Variants in DSP observed in about 807,000 individuals in gnomAD.
DSP encodes desmoplakin.
DSP carries 114 observed loss-of-function variants against 290.6 expected under a neutral mutation model. That is an observed-to-expected ratio of 0.39 (90% CI 0.34 to 0.46). DSP has a LOEUF of 0.46. Among genes scored for constraint, DSP ranks in the 20% least tolerant of loss-of-function variants. The probability of loss-of-function intolerance (pLI) is 0.99; values close to 1 mark genes in which losing one functional copy is unlikely to be tolerated. For synonymous variants in DSP, 1,311 were observed against 1,316.4 expected (o/e 1.00, Z 0.09); for missense variants, 3,230 against 3,495.8 (o/e 0.92, Z 1.92).
At chr6:7,576,919 G>A (rs745545516) in intron 19 of DSP, 40 bp from the exon 20 acceptor site, 7 of 1,493,848 alleles carry the variant, frequency 4.7e-6, no homozygotes, top group Non-Finnish European at 6.5e-6. Flanking sequence ...AAAAATATTT[G>A]TATGCATTAA....
At chr6:7,552,659 GTTGTTT>G (rs1267310836) in intron 1 of DSP, among the ~76,000 whole-genome samples, 9 of 127,906 alleles carry the variant, frequency 7.0e-5, no homozygotes, top group Non-Finnish European at 1.4e-4. Flanking sequence ...AAAGTTACCT[GTTGTTT>G]TTTTTTTTTT....
At chr6:7,545,559 A>AGCATTCTGTGTTT (rs1259585662) in intron 1 of DSP, among the ~76,000 whole-genome samples, 36 of 152,350 alleles carry the variant, frequency 2.4e-4, no homozygotes, top group African/African-American at 7.7e-4. Context: ...GTATTTACCG[A>AGCATTCTGTGTTT]GCATTGACTG....
chr6:7,555,180 G>C (rs73375320), intron 1 of DSP, among the ~76,000 whole-genome samples: 2,328 of 152,256 alleles, frequency 0.015, 52 homozygotes, highest in African/African-American at 0.052. Context: ...AACTCAGAGA[G>C]ATATATTTCT....
At chr6:7,566,081 A>T in intron 7 of DSP, among the ~76,000 whole-genome samples, 1 of 152,318 alleles carries the variant, frequency 6.6e-6, no homozygotes, top group Non-Finnish European at 1.5e-5. Context: ...ATAACCCAGG[A>T]TGTGTGTGGC....
rs1446804590 is a variant in DSP, at chr6:7,571,560, C to T, written c.1879C>T (p.Pro627Ser). 1 of 1,614,088 alleles carries T rather than the reference C, an allele frequency of 6.2e-7. No homozygotes were observed. The highest frequency in any genetic ancestry group is 1.3e-5 in the African/African-American group (1 of 74,936). Residue 627 changes from proline (P) to serine (S), a missense_variant, in exon 14 of 24, where the codon CCT becomes TCT. Coordinates refer to ENST00000379802, the MANE Select transcript of DSP (RefSeq NM_004415.4). ...KHYQTLVIQL[P>S]GYPQHQTVTT... ...TTACCAGACCCTGGTCATTCAGCTC[C>T]CTGGCTATCCCCAGCACCAGACAGG...
rs1759514959 is a variant in DSP at position 7,583,350 on chromosome 6, T to C, written c.6088T>C (p.Ser2030Pro). ...ATCTGCTTCTCCTAAGGAAAAATACTCTTTGGTAGAGGCCAAGAGAAAGAA... is the reference window on the plus strand; with the variant it reads ...ATCTGCTTCTCCTAAGGAAAAATACCCTTTGGTAGAGGCCAAGAGAAAGAA... ...GASASPKEKYSLVEAKRKKLI... is the reference protein window; with the variant it reads ...GASASPKEKYPLVEAKRKKLI... Residue 2030 changes from serine (S) to proline (P), a missense_variant, in exon 24 of 24, where the codon TCT becomes CCT. By Grantham distance (74) the Ser-to-Pro change is moderately conservative. This residue lies in a region of DSP where 1,714 missense variants were observed against 1,844.5 expected (regional missense o/e 0.93). Coordinates refer to ENST00000379802, the MANE Select transcript of DSP (RefSeq NM_004415.4). The surrounding 1 kb of genome is among the most constrained non-coding windows in gnomAD (Gnocchi z 4.0). 1 of 1,614,190 alleles carries C rather than the reference T, an allele frequency of 6.2e-7. No individual in the cohort carries two copies. The highest frequency in any genetic ancestry group is 8.5e-7 in the Non-Finnish European group (1 of 1,180,044).
At position 7,579,412 on chromosome 6, in the gene DSP, G is replaced by A. The variant is rs772040899; in HGVS notation, c.3222G>A (p.Ala1074=). Residue 1074 remains alanine, a synonymous_variant, in exon 23 of 24, where the codon GCG becomes GCA. Coordinates refer to ENST00000379802, the MANE Select transcript of DSP (RefSeq NM_004415.4). The surrounding 1 kb of genome is among the most constrained non-coding windows in gnomAD (Gnocchi z 4.1). ...KYQAECSQFK[A]KLASLEELKR... is the part of the protein sequence containing the mutation. ...AGGCAGAGTGTTCCCAGTTCAAAGC[G>A]AAGCTTGCGAGCCTGGAGGAGCTGA... 1.4e-5 allele frequency: 23 copies of A among 1,614,032 alleles called. No homozygotes were observed. The highest frequency in any genetic ancestry group is 2.2e-5 in the South Asian group (2 of 91,092).
chr6:7,558,933 A>T lies in DSP; in HGVS notation c.423-293A>T, dbSNP rs192987035. On this transcript the variant is annotated intron_variant, in intron 3 of 23. Transcript: ENST00000379802. Reference sequence around the variant, plus strand: ...TCTACTACTACCTGGGGCCCAGGGTACTAGGAAAACTCCCAGGACAAAACG... The same window carrying T: ...TCTACTACTACCTGGGGCCCAGGGTTCTAGGAAAACTCCCAGGACAAAACG... Among the ~76,000 whole-genome samples the T allele has an allele frequency of 5.6e-3, 860 of 152,320 alleles. 1 individual carries two copies. The highest frequency in any genetic ancestry group is 8.6e-3 in the Non-Finnish European group (585 of 68,026).
At chr6:7,563,514 C>T (rs2113666535) in intron 5 of DSP, among the ~76,000 whole-genome samples, 1 of 152,262 alleles carries the variant, frequency 6.6e-6, no homozygotes, top group South Asian at 2.1e-4. Context: ...CTGATCTGGG[C>T]TTTCCTTTGT....
At position 7,568,009 on chromosome 6, in the gene DSP, C is replaced by T. The variant is rs995800759; in HGVS notation, c.1266+103C>T. The T allele has an allele frequency of 6.6e-6, 10 of 1,509,438 alleles. No individual in the cohort carries two copies. The African/African-American group carries it at 9.6e-5, about 14-fold the overall frequency. The allele number at this position is 1,509,438 out of a possible 1,614,324, so 93.5% of individuals were successfully genotyped here. On this transcript the variant is annotated intron_variant, in intron 10 of 23. Transcript: ENST00000379802. Reference sequence around the variant, plus strand: ...CTGATTAGTATTATTGTACAATGCACGCCCAGAGCCAAGCAAGCATTTTCT... The same window carrying T: ...CTGATTAGTATTATTGTACAATGCATGCCCAGAGCCAAGCAAGCATTTTCT...
chr6:7,549,151 AAT>A (rs1491222695), intron 1 of DSP, among the ~76,000 whole-genome samples: 5 of 95,354 alleles, frequency 5.2e-5, no homozygotes, highest in Non-Finnish European at 9.2e-5. Flanking sequence ...GTGTTTAATG[AAT>A]TTTTTTTTTT....
rs1759201574 is a variant in DSP, at chr6:7,575,315, C to T, written c.2457C>T (p.Asn819=). ...TGCAGAAAATAAAAAATGACTTGAA[C>T]TTGAAGAAGTCGTTGTTGGCCACTA... ...CGLKKIKNDL[N]LKKSLLATMK... The change falls in exon 18 of 24, where the codon AAC becomes AAT. Residue 819 remains asparagine, a synonymous_variant. Coordinates refer to ENST00000379802, the MANE Select transcript of DSP (RefSeq NM_004415.4). 2 of 1,613,076 alleles carry T rather than the reference C, an allele frequency of 1.2e-6. No homozygotes were observed. Among genetic ancestry groups the T allele is most frequent in the East Asian group, 2.2e-5 (1 of 44,846 alleles).
chr6:7,579,593 C>T lies in DSP; in HGVS notation c.3403C>T (p.Gln1135Ter). 6.2e-7 allele frequency: 1 copy of T among 1,613,914 alleles called. No homozygotes were observed. Among genetic ancestry groups the T allele is most frequent in the Non-Finnish European group, 8.5e-7 (1 of 1,180,008 alleles). The part of the protein sequence containing the change: ...RKSVEDRFDQ[Q>*]KNDYDQLQKA... ...ATCTGTGGAAGACAGATTTGACCAA[C>T]AGAAGAATGACTATGACCAACTGCA... The change falls in exon 23 of 24, where the codon CAG becomes TAG. Residue 1135 changes from glutamine (Q) to a stop codon, truncating the protein, a stop_gained. Transcript: ENST00000379802. LOFTEE classifies it high-confidence loss of function. This position sits in a 1 kb window ranked among gnomAD's most constrained non-coding sequence, Gnocchi z 4.1.
chr6:7,554,125 A>ACACACACACACACACACACACAC (rs772041102), intron 1 of DSP, among the ~76,000 whole-genome samples: 12 of 144,402 alleles, frequency 8.3e-5, no homozygotes, highest in African/African-American at 1.6e-4. Context: ...ACACACACAC[A>ACACACACACACACACACACACAC]CCCAGTTGGT....
chr6:7,577,116 T>C, intron 20 of DSP, 74 bp downstream of exon 20: 2 of 1,219,068 alleles, frequency 1.6e-6, no homozygotes, highest in Non-Finnish European at 1.2e-6. Flanking sequence ...TGATTTGTTG[T>C]AAAGCGTATA....
At chr6:7,566,299 C>A in intron 7 of DSP, 78 bp from the exon 8 acceptor site, 1 of 1,209,878 alleles carries the variant, frequency 8.3e-7, no homozygotes, top group Non-Finnish European at 1.2e-6. Flanking sequence ...TTGTATTTCA[C>A]TTTTAAAAAG....
chr6:7,576,753 C>T (rs1313108510), intron 19 of DSP, among the ~76,000 whole-genome samples: 1 of 152,070 alleles, frequency 6.6e-6, no homozygotes, highest in Non-Finnish European at 1.5e-5. Flanking sequence ...TAACCTCTTA[C>T]AGATAGTAAG....
chr6:7,574,963 G>A (rs575622716), intron 17 of DSP, among the ~76,000 whole-genome samples, 168 bp downstream of exon 17: 2 of 152,322 alleles, frequency 1.3e-5, no homozygotes, highest in South Asian at 4.1e-4. Context: ...TTTCCAGACT[G>A]TGTTAGCAGG....
Position 7,584,244 on chromosome 6 carries a change from A to G in DSP, c.6982A>G (p.Lys2328Glu), listed in dbSNP as rs1394717903. The G allele has an allele frequency of 6.2e-7, 1 of 1,614,152 alleles. No individual in the cohort carries two copies. The highest frequency in any genetic ancestry group is 8.5e-7 in the Non-Finnish European group (1 of 1,180,012). Reference protein sequence around the residue: ...RGLVGIEFKEKLLSAERAVTG... With the variant: ...RGLVGIEFKEELLSAERAVTG... ...TCTGGTGGGCATTGAGTTCAAAGAGAAGCTCCTGTCTGCAGAACGAGCTGT... is the reference window on the plus strand; with the variant it reads ...TCTGGTGGGCATTGAGTTCAAAGAGGAGCTCCTGTCTGCAGAACGAGCTGT... The change falls in exon 24 of 24, where the codon AAG becomes GAG. Residue 2328 changes from lysine (K) to glutamate (E), a missense_variant. Coordinates refer to ENST00000379802, the MANE Select transcript of DSP (RefSeq NM_004415.4). The surrounding 1 kb of genome is among the most constrained non-coding windows in gnomAD (Gnocchi z 6.4).
Sources: gnomAD v4.1 joint callset for allele counts (sites outside exome capture counted in the v4.1 genomes callset) on GRCh38, gnomAD v4.1.1 for gene constraint, gnomAD v4.1.1 regional missense constraint, Gnocchi (gnomAD v3.1) non-coding constraint, MANE v1.5 for transcripts, NCBI Gene and HGNC (gene_info 2026-07-23, HGNC 2026-07-21) for gene names.